Variants in PACRG observed in about 807,000 individuals in gnomAD.
PACRG encodes parkin coregulated gene protein.
A neutral mutation model predicts 29.7 loss-of-function variants in PACRG; 29 were observed. That is an observed-to-expected ratio of 0.98 (90% CI 0.73 to 1.33). PACRG has a LOEUF of 1.33. Ranked by LOEUF, PACRG falls within the 40% of genes most tolerant of loss-of-function variation. The pLI is 0.00. For synonymous variants in PACRG, 116 were observed against 118.7 expected (o/e 0.98, Z 0.15); for missense variants, 279 against 316.2 (o/e 0.88, Z 0.89).
chr6:163,272,803 C>T (rs1042140459), intron 4 of PACRG, among the ~76,000 whole-genome samples: 1 of 151,760 alleles, frequency 6.6e-6, no homozygotes, highest in Non-Finnish European at 1.5e-5. Flanking sequence ...TTACTTATAT[C>T]CTTAGTATGA....
intron 4 of PACRG, among the ~76,000 whole-genome samples, chr6:163,241,077 TA>T (rs1317292917): frequency 6.6e-6 from 1 of 152,208 alleles, no homozygotes; most frequent in Non-Finnish European, 1.5e-5. Flanking sequence ...TAATGTAAAT[TA>T]TACAGAAAAT....
At chr6:163,166,757 T>C (rs1200875210) in intron 4 of PACRG, among the ~76,000 whole-genome samples, 1 of 152,250 alleles carries the variant, frequency 6.6e-6, no homozygotes, top group Non-Finnish European at 1.5e-5. Flanking sequence ...AGTATGTCAC[T>C]GTAAAATATT....
chr6:163,074,998 G>A (rs929579402), intron 3 of PACRG, among the ~76,000 whole-genome samples: 1 of 151,204 alleles, frequency 6.6e-6, no homozygotes, highest in Non-Finnish European at 1.5e-5. Context: ...GTCTCAAAAA[G>A]TATATATATA....
chr6:162,729,645 G>A (rs1779593826), intron 1 of PACRG, among the ~76,000 whole-genome samples: 1 of 151,896 alleles, frequency 6.6e-6, no homozygotes, highest in African/African-American at 2.4e-5. Context: ...AACCATTCAG[G>A]TTAATCATTT....
At chr6:162,924,062 T>G (rs2128097746) in intron 2 of PACRG, among the ~76,000 whole-genome samples, 1 of 152,182 alleles carries the variant, frequency 6.6e-6, no homozygotes, top group Admixed American at 6.5e-5. Flanking sequence ...CTTCAATTTC[T>G]TCCGCCAGTA....
At chr6:163,257,837 A>G (rs1783175788) in intron 4 of PACRG, among the ~76,000 whole-genome samples, 1 of 152,164 alleles carries the variant, frequency 6.6e-6, no homozygotes, top group South Asian at 2.1e-4. Context: ...TGTGGACAGG[A>G]TTTATATTTT....
chr6:163,036,855 GCTATCCATCCAT>G (rs1808235960), intron 2 of PACRG, among the ~76,000 whole-genome samples: 1 of 113,064 alleles, frequency 8.8e-6, no homozygotes, highest in Admixed American at 9.4e-5. Flanking sequence ...TATCCATCCA[GCTATCCATCCAT>G]CCATCCATCC....
At chr6:162,835,934 G>T (rs894787232) in intron 2 of PACRG, among the ~76,000 whole-genome samples, 1 of 152,036 alleles carries the variant, frequency 6.6e-6, no homozygotes, top group Non-Finnish European at 1.5e-5. Flanking sequence ...GAAAAAAGTG[G>T]TTAAAAATAC....
At chr6:163,019,141 G>A (rs1310392789) in intron 2 of PACRG, among the ~76,000 whole-genome samples, 1 of 152,066 alleles carries the variant, frequency 6.6e-6, no homozygotes, top group Non-Finnish European at 1.5e-5. Context: ...TTGCTAGCAG[G>A]CTTTTATTGT....
At chr6:162,827,121 A>C (rs1562637919) in intron 2 of PACRG, among the ~76,000 whole-genome samples, 2 of 152,138 alleles carry the variant, frequency 1.3e-5, no homozygotes, top group Admixed American at 6.5e-5. Flanking sequence ...CATTTACATA[A>C]ATTTTTATTT....
At position 163,250,906 on chromosome 6, in the gene PACRG, T is replaced by C. The variant is rs1014924263; in HGVS notation, c.614-63921T>C. Among the ~76,000 whole-genome samples, 262 of 149,298 alleles carry C rather than the reference T, an allele frequency of 1.8e-3. 1 individual carries two copies. Among genetic ancestry groups the C allele is most frequent in the African/African-American group, 6.1e-3 (246 of 40,120 alleles). Reference sequence around the variant, plus strand: ...TTGTATATATATATATATATATATATACACTATGGAATATTACTCAGCCAT... The same window carrying C: ...TTGTATATATATATATATATATATACACACTATGGAATATTACTCAGCCAT... On this transcript the variant is annotated intron_variant, in intron 4 of 4. Transcript: ENST00000366888.
At chr6:162,953,832 C>G (rs1455755669) in intron 2 of PACRG, among the ~76,000 whole-genome samples, 1 of 152,126 alleles carries the variant, frequency 6.6e-6, no homozygotes, top group Non-Finnish European at 1.5e-5. Flanking sequence ...ACTCTGTAGA[C>G]TTCAGAGTGT....
rs143644497 is a variant in PACRG, at chr6:162,785,645, G to T, written c.157-28502G>T. On this transcript the variant is annotated intron_variant, in intron 1 of 4. Coordinates refer to ENST00000366888, the MANE Select transcript of PACRG (RefSeq NM_001080379.2). ...TTCTACCTTTGATCATCAGGCATTA[G>T]TTAGATTCTCATAAGAGCATGCAAG... Among the ~76,000 whole-genome samples the T allele has an allele frequency of 6.7e-4, 102 of 152,294 alleles. No homozygotes were observed. The East Asian group carries it at 0.01, about 15-fold the overall frequency.
At chr6:163,297,810 C>A (rs1047644949) in intron 4 of PACRG, among the ~76,000 whole-genome samples, 1 of 152,162 alleles carries the variant, frequency 6.6e-6, no homozygotes, top group South Asian at 2.1e-4. Flanking sequence ...CTCACAGCCA[C>A]CTGATGGGTG....
chr6:163,194,770 G>A (rs756494892), intron 4 of PACRG, among the ~76,000 whole-genome samples: 1 of 152,134 alleles, frequency 6.6e-6, no homozygotes, highest in Non-Finnish European at 1.5e-5. Flanking sequence ...GAACATGCAG[G>A]CCTACTGGGC....
chr6:162,971,757 G>C (rs1801546446), intron 2 of PACRG, among the ~76,000 whole-genome samples: 1 of 152,190 alleles, frequency 6.6e-6, no homozygotes, highest in East Asian at 1.9e-4. Context: ...TACCCCTAGG[G>C]ATGGGGGAAG....
chr6:162,979,267 C>A (rs553416768), intron 2 of PACRG, among the ~76,000 whole-genome samples: 1 of 152,114 alleles, frequency 6.6e-6, no homozygotes, highest in Non-Finnish European at 1.5e-5. Flanking sequence ...ACTTGCATTT[C>A]CCTGATTATT....
At chr6:162,960,530 CTT>C (rs955041245) in intron 2 of PACRG, among the ~76,000 whole-genome samples, 37 of 152,268 alleles carry the variant, frequency 2.4e-4, no homozygotes, top group African/African-American at 8.7e-4. Flanking sequence ...TGCACATTCT[CTT>C]TTATAAGTGA....
rs566248211 is a variant in PACRG at position 162,832,824 on chromosome 6, T to A, written c.291+18543T>A. The stretch of plus-strand genomic sequence containing the variant: ...CACATAAAAGCAGTCTTTTTTTTTT[T>A]TTCATTTTTTTGCCCAAATAAAGAT... On this transcript the variant is annotated intron_variant, in intron 2 of 4. Transcript: ENST00000366888. Among the ~76,000 whole-genome samples the A allele has an allele frequency of 3.3e-5, 5 of 152,170 alleles. No individual in the cohort carries two copies. In the South Asian group the frequency reaches 1.0e-3, roughly 32 times the overall value.
Sources: gnomAD v4.1 joint callset for allele counts (sites outside exome capture counted in the v4.1 genomes callset) on GRCh38, gnomAD v4.1.1 for gene constraint, MANE v1.5 for transcripts, NCBI Gene and HGNC (gene_info 2026-07-23, HGNC 2026-07-21) for gene names.